Variants in CABLES1 observed in about 807,000 individuals in gnomAD.
CABLES1 encodes CDK5 and ABL1 enzyme substrate 1.
In CABLES1, 36 loss-of-function variants were observed where a neutral mutation model predicts 57.8. The ratio of observed to expected loss-of-function variants is 0.62; its 90% CI spans 0.48 to 0.82. The LOEUF is 0.82. CABLES1 is among the 40% of genes least tolerant of loss of function. CABLES1 has a pLI of 0.00. For synonymous variants in CABLES1, 374 were observed against 363.0 expected, an observed-to-expected ratio of 1.03 and a Z score of -0.35; for missense variants, 767 against 836.6, an observed-to-expected ratio of 0.92 and a Z score of 1.03.
At chr18:23,165,337 G>C (rs768376538) in intron 1 of CABLES1, among the ~76,000 whole-genome samples, 1 of 152,158 alleles carries the variant, frequency 6.6e-6, no homozygotes, top group Non-Finnish European at 1.5e-5. Context: ...GCCTCAAGCA[G>C]TTCTCCCATC....
chr18:23,223,502 C>T (rs1037211285), intron 4 of CABLES1, among the ~76,000 whole-genome samples: 5 of 149,180 alleles, frequency 3.4e-5, no homozygotes, highest in East Asian at 2.0e-4. Flanking sequence ...CTCTTGAGCC[C>T]GGGAGGTGGA....
At chr18:23,195,885 T>C (rs1293709590) in intron 3 of CABLES1, among the ~76,000 whole-genome samples, 1 of 152,248 alleles carries the variant, frequency 6.6e-6, no homozygotes, top group Admixed American at 6.5e-5. Flanking sequence ...TGTAATTATC[T>C]ACCATTGGTT....
At chr18:23,152,987 A>C (rs927585318) in intron 1 of CABLES1, among the ~76,000 whole-genome samples, 1 of 151,300 alleles carries the variant, frequency 6.6e-6, no homozygotes, top group African/African-American at 2.4e-5. Flanking sequence ...TTTTTAGTAG[A>C]GACAGGGTTT....
rs1222645767 is a variant in CABLES1 at position 23,136,560 on chromosome 18, A to G, written c.798A>G (p.Pro266=). 2.6e-6 allele frequency: 4 copies of G among 1,531,054 alleles called. No individual in the cohort carries two copies. The highest frequency in any genetic ancestry group is 3.5e-6 in the Non-Finnish European group (4 of 1,146,518). The allele number at this position is 1,531,054 out of a possible 1,614,324, so 94.8% of individuals were successfully genotyped here. The change falls in exon 1 of 10, where the codon CCA becomes CCG. Residue 266 remains proline (P), a synonymous_variant. Transcript: ENST00000256925. ...TSQNYCSLEQ[P]GQGGSTSAFE... ...AGAACTACTGCTCCCTGGAGCAGCC[A>G]GGCCAGGGCGGCAGCACCAGCGCCT...
chr18:23,148,289 C>T (rs550461823), intron 1 of CABLES1, among the ~76,000 whole-genome samples: 13 of 152,158 alleles, frequency 8.5e-5, no homozygotes, highest in Admixed American at 2.0e-4. Context: ...ACGTCTGGCC[C>T]GCTTGGCCCC....
intron 7 of CABLES1, among the ~76,000 whole-genome samples, chr18:23,249,650 C>G (rs900379436): frequency 6.6e-6 from 1 of 152,174 alleles, no homozygotes; most frequent in Non-Finnish European, 1.5e-5. Flanking sequence ...GCAGCCCCAT[C>G]AGGTTTTCTC....
chr18:23,146,804 TGA>T (rs1402188175), intron 1 of CABLES1, among the ~76,000 whole-genome samples: 2 of 152,186 alleles, frequency 1.3e-5, no homozygotes, highest in Non-Finnish European at 2.9e-5. Context: ...TTTTCTAAGT[TGA>T]GAGTTTTCAA....
intron 1 of CABLES1, among the ~76,000 whole-genome samples, chr18:23,153,895 A>G (rs2046948861): frequency 6.6e-6 from 1 of 152,090 alleles, no homozygotes; most frequent in African/African-American, 2.4e-5. Context: ...GCTGAGTGTG[A>G]TAGCACACAC....
At chr18:23,248,538 T>TTTTTTTTTTTTTTA (rs1555671608) in intron 7 of CABLES1, among the ~76,000 whole-genome samples, 10 of 93,598 alleles carry the variant, frequency 1.1e-4, no homozygotes, top group Admixed American at 3.3e-4. Flanking sequence ...TTTTTTTTTT[T>TTTTTTTTTTTTTTA]AAAAAAAGGC....
At chr18:23,206,132 C>T (rs541394302) in intron 3 of CABLES1, among the ~76,000 whole-genome samples, 3 of 152,168 alleles carry the variant, frequency 2.0e-5, no homozygotes, top group African/African-American at 4.8e-5. Flanking sequence ...CATCTGACAG[C>T]GCCTGCCTGC....
chr18:23,212,279 C>T (rs992988443), intron 3 of CABLES1, among the ~76,000 whole-genome samples: 1 of 152,228 alleles, frequency 6.6e-6, no homozygotes, highest in Non-Finnish European at 1.5e-5. Flanking sequence ...GCCAGCTGCT[C>T]TTCTGAGGGT....
chr18:23,209,590 G>A lies in CABLES1; in HGVS notation c.1011-4387G>A, dbSNP rs78836289. ...TGGGCTTCACTGTATTCACCCCGCC[G>A]TTACTGCAGATGTGATTTTCTTTCC... is the stretch of plus-strand genomic sequence containing the variant. On this transcript the variant is annotated intron_variant, in intron 3 of 9. Coordinates refer to ENST00000256925, the MANE Select transcript of CABLES1 (RefSeq NM_001100619.3). Among the ~76,000 whole-genome samples the A allele has an allele frequency of 4.6e-3, 706 of 152,298 alleles. 7 individuals are homozygous for A. Among genetic ancestry groups the A allele is most frequent in the African/African-American group, 0.015 (632 of 41,558 alleles).
chr18:23,248,306 T>C (rs2047949634), intron 7 of CABLES1, among the ~76,000 whole-genome samples: 1 of 151,908 alleles, frequency 6.6e-6, no homozygotes. Context: ...GTTTCAGTAG[T>C]GGTAAATGCA....
intron 3 of CABLES1, among the ~76,000 whole-genome samples, chr18:23,212,771 AG>A (rs1293572922): frequency 6.6e-6 from 1 of 152,184 alleles, no homozygotes; most frequent in African/African-American, 2.4e-5. Context: ...AGCACCAAAA[AG>A]GGAACAAAAA....
In CABLES1 at chr18:23,237,081, C is replaced by A. The variant is rs45560835; in HGVS notation, c.1343-61C>A. On this transcript the variant is annotated intron_variant, in intron 6 of 9. Transcript: ENST00000256925. ...CTATACTTGGCATTCTCCTGGCTGTCTCTGCTGGGGAGGGTCCGGAGCCGC... is the reference window on the plus strand; with the variant it reads ...CTATACTTGGCATTCTCCTGGCTGTATCTGCTGGGGAGGGTCCGGAGCCGC... The A allele has an allele frequency of 8.8e-3, 8,659 of 986,802 alleles. 57 individuals are homozygous for A. The highest frequency in any genetic ancestry group is 0.024 in the African/African-American group (1,541 of 63,062). 61.1% of individuals were successfully genotyped at this position (986,802 alleles called of 1,614,324 possible).
rs765151426 is a variant in CABLES1 at position 23,194,523 on chromosome 18, C to G, written c.993C>G (p.His331Gln). 11 of 1,611,174 alleles carry G rather than the reference C, an allele frequency of 6.8e-6. No individual in the cohort carries two copies. Among genetic ancestry groups the G allele is most frequent in the Non-Finnish European group, 8.5e-7 (1 of 1,177,410 alleles). ...KIHFIKNMRQ[H>Q]DTRNGRIVLI... ...ATTTTATCAAGAACATGCGGCAACA[C>G]GATACCAGGAATGGCAGGTACTACA... Residue 331 changes from histidine to glutamine, a missense_variant, in exon 3 of 10, where the codon CAC becomes CAG. Physicochemically the swap from His to Gln is conservative, Grantham distance 24. Coordinates refer to ENST00000256925, the MANE Select transcript of CABLES1 (RefSeq NM_001100619.3).
intron 1 of CABLES1, among the ~76,000 whole-genome samples, chr18:23,177,932 G>A (rs574321178): frequency 7.9e-5 from 12 of 152,308 alleles, no homozygotes; most frequent in African/African-American, 2.9e-4. Flanking sequence ...TGCAGAGAAC[G>A]CCTGGATTTG....
At chr18:23,210,011 A>C (rs2047393416) in intron 3 of CABLES1, among the ~76,000 whole-genome samples, 1 of 152,220 alleles carries the variant, frequency 6.6e-6, no homozygotes, top group African/African-American at 2.4e-5. Flanking sequence ...TAAGAGCATG[A>C]CAATGAGGCT....
At chr18:23,171,900 AC>A (rs1224362762) in intron 1 of CABLES1, among the ~76,000 whole-genome samples, 1 of 152,176 alleles carries the variant, frequency 6.6e-6, no homozygotes, top group Non-Finnish European at 1.5e-5. Flanking sequence ...ACCATGAGCC[AC>A]CTAGAACAGG....
Sources: gnomAD v4.1 joint callset for allele counts (sites outside exome capture counted in the v4.1 genomes callset) on GRCh38, gnomAD v4.1.1 for gene constraint, MANE v1.5 for transcripts, NCBI Gene and HGNC (gene_info 2026-07-23, HGNC 2026-07-21) for gene names.